Variants in SPATA9 observed in about 807,000 individuals in gnomAD.
SPATA9 encodes the protein spermatogenesis associated 9.
In SPATA9, 27 loss-of-function variants were observed where a neutral mutation model predicts 25.5. The observed-to-expected ratio is 1.06, with a 90% CI of 0.78 to 1.46. The LOEUF (loss-of-function observed/expected upper bound fraction) is 1.46, where lower values mean the gene tolerates loss of function less well. SPATA9 is among the 40% of genes most tolerant of loss of function. The pLI is 0.00. For missense variants in SPATA9, 282 were observed against 297.5 expected (o/e 0.95, Z 0.38); for synonymous variants, 102 against 105.7 (o/e 0.97, Z 0.21).
At chr5:95,715,322 C>CAA in the SPATA9 span, among the ~76,000 whole-genome samples, 62 of 67,310 alleles carry the variant, frequency 9.2e-4, 2 homozygotes, top group Non-Finnish European at 1.2e-3. Context: ...GATTCCATCT[C>CAA]AAAAAAAAAA....
chr5:95,725,808 CT>C, the SPATA9 span, among the ~76,000 whole-genome samples: 405 of 139,532 alleles, frequency 2.9e-3, no homozygotes, highest in Non-Finnish European at 2.5e-3. Flanking sequence ...TGGAATTCTT[CT>C]TTTTTTTTTT....
chr5:95,676,741 A>G (rs949427674), intron 2 of SPATA9, among the ~76,000 whole-genome samples: 2 of 152,066 alleles, frequency 1.3e-5, no homozygotes, highest in African/African-American at 2.4e-5. Flanking sequence ...ACCTTTGCCT[A>G]TTTTCATTCT....
upstream of SPATA9, among the ~76,000 whole-genome samples, chr5:95,701,810 A>T (rs1454812924): frequency 6.6e-6 from 1 of 152,204 alleles, no homozygotes; most frequent in African/African-American, 2.4e-5. Flanking sequence ...TAGACTTTGT[A>T]CAACAGTTAC....
At chr5:95,692,238 T>C (rs1006117195) in intron 1 of SPATA9, among the ~76,000 whole-genome samples, 1 of 152,136 alleles carries the variant, frequency 6.6e-6, no homozygotes, top group African/African-American at 2.4e-5. Flanking sequence ...TCAAATTTCT[T>C]TTTCTTTCTT....
the SPATA9 span, among the ~76,000 whole-genome samples, chr5:95,730,473 A>C: frequency 6.6e-6 from 1 of 152,214 alleles, no homozygotes. Flanking sequence ...CGTTAGGGAT[A>C]TTCATAGCCT....
At chr5:95,673,226 G>A (rs1173523251) in intron 3 of SPATA9, among the ~76,000 whole-genome samples, 3 of 152,158 alleles carry the variant, frequency 2.0e-5, no homozygotes, top group African/African-American at 2.4e-5. Flanking sequence ...GTGATGCAAC[G>A]TACTGTGTGC....
At chr5:95,692,153 AT>A (rs745631648) in intron 1 of SPATA9, among the ~76,000 whole-genome samples, 4 of 152,144 alleles carry the variant, frequency 2.6e-5, no homozygotes, top group Non-Finnish European at 5.9e-5. Flanking sequence ...ACAGATTGGT[AT>A]TAAATTTTTG....
At chr5:95,715,776 A>G in the SPATA9 span, among the ~76,000 whole-genome samples, 1 of 152,226 alleles carries the variant, frequency 6.6e-6, no homozygotes, top group African/African-American at 2.4e-5. Context: ...TCAGCAAAAC[A>G]AAGAAACTAA....
intron 3 of SPATA9, among the ~76,000 whole-genome samples, chr5:95,666,536 A>C (rs1339945201): frequency 6.6e-6 from 1 of 152,222 alleles, no homozygotes; most frequent in Non-Finnish European, 1.5e-5. Context: ...GTATTAAGGG[A>C]CATTAATAGT....
chr5:95,710,498 G>T, the SPATA9 span, among the ~76,000 whole-genome samples: 1 of 152,160 alleles, frequency 6.6e-6, no homozygotes, highest in African/African-American at 2.4e-5. Flanking sequence ...GCTACTGCTC[G>T]CAGGCAACTT....
In SPATA9 at chr5:95,675,262, A is replaced by AT. The variant is rs1752815268; in HGVS notation, c.378+149dup. The AT allele has an allele frequency of 5.4e-5, 36 of 668,996 alleles. No individual in the cohort carries two copies. The South Asian group carries it at 7.6e-4, about 14-fold the overall frequency. 41.4% of individuals were successfully genotyped at this position (668,996 alleles called of 1,614,324 possible). On this transcript the variant is annotated intron_variant, in intron 3 of 4. Transcript: ENST00000274432. ...TAGAAAAAAGTCCACGTTGCACTATATTTTAAAAAGCCCCAACCATTCATT... is the reference window on the plus strand; with the variant it reads ...TAGAAAAAAGTCCACGTTGCACTATATTTTTAAAAAGCCCCAACCATTCATT...
chr5:95,723,385 A>G, the SPATA9 span, among the ~76,000 whole-genome samples: 9 of 152,360 alleles, frequency 5.9e-5, no homozygotes, highest in East Asian at 1.7e-3. Flanking sequence ...GAAATTGACA[A>G]TTTAGAAGAA....
downstream of SPATA9, chr5:95,657,593 C>G (rs1390214940): frequency 6.6e-6 from 1 of 152,052 alleles, no homozygotes; most frequent in African/African-American, 2.4e-5. Context: ...TGGACTCTTT[C>G]TCTTGGTTAT....
chr5:95,711,666 T>A, the SPATA9 span, among the ~76,000 whole-genome samples: 1 of 151,976 alleles, frequency 6.6e-6, no homozygotes, highest in East Asian at 1.9e-4. Context: ...TGGGACTGGG[T>A]GAGGGAGACT....
At chr5:95,705,111 TTTTA>T in the SPATA9 span, among the ~76,000 whole-genome samples, 1 of 150,856 alleles carries the variant, frequency 6.6e-6, no homozygotes, top group African/African-American at 2.4e-5. Flanking sequence ...CACCTGGCTA[TTTTA>T]TTTATTTATT....
chr5:95,662,068 C>G (rs1448943564), intron 4 of SPATA9, among the ~76,000 whole-genome samples: 1 of 151,934 alleles, frequency 6.6e-6, no homozygotes, highest in Non-Finnish European at 1.5e-5. Flanking sequence ...TCAATTGGTA[C>G]AAGAATAGAC....
the SPATA9 span, chr5:95,717,810 G>A: frequency 6.6e-6 from 1 of 152,212 alleles, no homozygotes; most frequent in Admixed American, 6.5e-5. Flanking sequence ...GTTGTCTCTA[G>A]AAGGGTGAGA....
At chr5:95,688,737 G>T (rs921010366) in intron 1 of SPATA9, among the ~76,000 whole-genome samples, 3 of 152,082 alleles carry the variant, frequency 2.0e-5, no homozygotes, top group African/African-American at 7.2e-5. Flanking sequence ...GTAGAAGGGG[G>T]TGAGGGATGA....
upstream of SPATA9, among the ~76,000 whole-genome samples, chr5:95,687,739 T>C (rs1008061795): frequency 6.6e-6 from 1 of 152,096 alleles, no homozygotes; most frequent in Admixed American, 6.6e-5. Context: ...GTTACCCAGG[T>C]TTGGGAGTTG....
Sources: allele counts gnomAD v4.1 joint callset (sites outside exome capture counted in the v4.1 genomes callset), GRCh38; gene constraint gnomAD v4.1.1; transcripts MANE v1.5; gene names NCBI Gene and HGNC (gene_info 2026-07-23, HGNC 2026-07-21).